BCKDHB: variants seen among roughly 807,000 people sequenced by gnomAD.
BCKDHB encodes the protein branched chain keto acid dehydrogenase E1 subunit beta.
Under a neutral mutation model 48.5 loss-of-function variants are expected in BCKDHB, and 41 were observed. The ratio of observed to expected loss-of-function variants is 0.85; its 90% CI spans 0.66 to 1.10. The LOEUF (loss-of-function observed/expected upper bound fraction) is 1.10. Ranked by LOEUF, BCKDHB falls within the 50% of genes least tolerant of loss-of-function variation. BCKDHB has a pLI of 0.00. For synonymous variants in BCKDHB, 201 were observed against 174.8 expected (o/e 1.15, Z -1.18); for missense variants, 496 against 494.2 (o/e 1.00, Z -0.03).
At chr6:80,193,418 T>A (rs1773989171) in intron 6 of BCKDHB, among the ~76,000 whole-genome samples, 1 of 152,016 alleles carries the variant, frequency 6.6e-6, no homozygotes, top group Non-Finnish European at 1.5e-5. Context: ...TACAAGTATC[T>A]CAGTTTAAGA....
intron 6 of BCKDHB, among the ~76,000 whole-genome samples, chr6:80,192,783 C>T (rs912783180): frequency 6.6e-6 from 1 of 151,362 alleles, no homozygotes; most frequent in Non-Finnish European, 1.5e-5. Context: ...TATGAAGGTG[C>T]CTTATCATAT....
At chr6:80,318,280 G>C (rs2128000258) in intron 9 of BCKDHB, among the ~76,000 whole-genome samples, 1 of 152,318 alleles carries the variant, frequency 6.6e-6, no homozygotes, top group Non-Finnish European at 1.5e-5. Flanking sequence ...CAAACAGGGA[G>C]AAGGACATGA....
the BCKDHB span, among the ~76,000 whole-genome samples, chr6:80,369,469 A>G: frequency 6.6e-6 from 1 of 152,230 alleles, no homozygotes; most frequent in African/African-American, 2.4e-5. Flanking sequence ...GGGGGTTTAG[A>G]TTATTTCAAA....
At chr6:80,256,139 T>C (rs1405850674) in intron 8 of BCKDHB, among the ~76,000 whole-genome samples, 2 of 152,214 alleles carry the variant, frequency 1.3e-5, no homozygotes, top group African/African-American at 4.8e-5. Flanking sequence ...AAATGATCCA[T>C]GTTATTTAAC....
At chr6:80,220,263 A>G (rs1198723396) in intron 8 of BCKDHB, among the ~76,000 whole-genome samples, 1 of 124,482 alleles carries the variant, frequency 8.0e-6, no homozygotes, top group Non-Finnish European at 1.7e-5. Flanking sequence ...ATCAATCAAA[A>G]TTTCCCCCTT....
At chr6:80,276,485 TAAAG>T (rs1777973951) in intron 9 of BCKDHB, among the ~76,000 whole-genome samples, 1 of 151,854 alleles carries the variant, frequency 6.6e-6, no homozygotes, top group Non-Finnish European at 1.5e-5. Context: ...AAATATCAAA[TAAAG>T]GAACATTTTT....
chr6:80,247,683 C>T (rs1776671647), intron 8 of BCKDHB, among the ~76,000 whole-genome samples: 1 of 152,196 alleles, frequency 6.6e-6, no homozygotes, highest in Admixed American at 6.5e-5. Flanking sequence ...GGAAGGTTGT[C>T]AGCAGCCAAC....
chr6:80,448,335 C>A, the BCKDHB span, among the ~76,000 whole-genome samples: 13,961 of 152,186 alleles, frequency 0.092, 710 homozygotes, highest in Non-Finnish European at 0.11. Flanking sequence ...CTGAGTGAAG[C>A]CTTTGAAAGA....
At chr6:80,238,441 C>T (rs1196893452) in intron 8 of BCKDHB, among the ~76,000 whole-genome samples, 1 of 152,136 alleles carries the variant, frequency 6.6e-6, no homozygotes, top group East Asian at 1.9e-4. Context: ...AAAGAAAAAT[C>T]TTAGCCACAT....
chr6:80,417,734 G>T, the BCKDHB span, among the ~76,000 whole-genome samples: 2 of 151,992 alleles, frequency 1.3e-5, no homozygotes, highest in African/African-American at 4.8e-5. Flanking sequence ...TTTTGTAGGT[G>T]ACCTGACATT....
intron 8 of BCKDHB, among the ~76,000 whole-genome samples, chr6:80,241,473 C>G (rs1336300946): frequency 6.6e-6 from 1 of 152,132 alleles, no homozygotes. Flanking sequence ...GCTGCTGTTC[C>G]TTTGTGCTTG....
Position 80,197,770 on chromosome 6 carries a change from G to A in BCKDHB, c.743-3164G>A, listed in dbSNP as rs151210253. Among the ~76,000 whole-genome samples the A allele has an allele frequency of 5.9e-3, 900 of 152,312 alleles. 13 individuals are homozygous for A. The highest frequency in any genetic ancestry group is 0.021 in the African/African-American group (870 of 41,570). ...AAGACTTGATGATGGCAAAGAGCCTGTGTGCTATCTTTGGTGCATTTTTCC... is the reference window on the plus strand; with the variant it reads ...AAGACTTGATGATGGCAAAGAGCCTATGTGCTATCTTTGGTGCATTTTTCC... On this transcript the variant is annotated intron_variant, in intron 6 of 9. Transcript: ENST00000320393.
intron 1 of BCKDHB, 39 bp downstream of exon 1, chr6:80,106,928 C>G (rs1006071420): frequency 1.9e-6 from 3 of 1,573,664 alleles, no homozygotes; most frequent in African/African-American, 1.4e-5. Context: ...CGCTGCAGCC[C>G]GGACTCCCAG....
chr6:80,258,191 C>T (rs1777138879), intron 8 of BCKDHB, among the ~76,000 whole-genome samples: 2 of 152,094 alleles, frequency 1.3e-5, no homozygotes, highest in Admixed American at 6.6e-5. Flanking sequence ...CAAAACAAAA[C>T]ACAGTGATTG....
the BCKDHB span, among the ~76,000 whole-genome samples, chr6:80,397,564 T>A: frequency 3.9e-5 from 6 of 152,164 alleles, no homozygotes; most frequent in Non-Finnish European, 8.8e-5. Flanking sequence ...TTCTGCTTTT[T>A]AAAAAAATTA....
At chr6:80,173,773 C>T (rs942080484) in intron 6 of BCKDHB, among the ~76,000 whole-genome samples, 1 of 148,754 alleles carries the variant, frequency 6.7e-6, no homozygotes, top group Admixed American at 6.7e-5. Context: ...TTCAGTATCA[C>T]TATGACTATA....
chr6:80,240,987 C>T (rs867896509), intron 8 of BCKDHB, among the ~76,000 whole-genome samples: 17 of 152,190 alleles, frequency 1.1e-4, no homozygotes, highest in Middle Eastern at 3.4e-3. Context: ...CTTCTCACTT[C>T]ACTTCATTCA....
chr6:80,419,570 A>G, the BCKDHB span, among the ~76,000 whole-genome samples: 2 of 152,206 alleles, frequency 1.3e-5, no homozygotes, highest in African/African-American at 4.8e-5. Flanking sequence ...AGGCACTCCT[A>G]TACCAAACCC....
chr6:80,382,647 C>A, the BCKDHB span, among the ~76,000 whole-genome samples: 1 of 152,126 alleles, frequency 6.6e-6, no homozygotes, highest in Non-Finnish European at 1.5e-5. Context: ...TCCCAGTTCT[C>A]TCTTTTCTCC....
Sources: allele counts gnomAD v4.1 joint callset (sites outside exome capture counted in the v4.1 genomes callset), GRCh38; gene constraint gnomAD v4.1.1; transcripts MANE v1.5; gene names NCBI Gene and HGNC (gene_info 2026-07-23, HGNC 2026-07-21).